Variants in PDE4A observed in about 807,000 individuals in gnomAD.
PDE4A encodes 3',5'-cyclic-AMP phosphodiesterase 4A.
In PDE4A, 21 loss-of-function variants were observed where a neutral mutation model predicts 73.9. The ratio of observed to expected loss-of-function variants is 0.28; its 90% CI spans 0.20 to 0.41. The LOEUF (loss-of-function observed/expected upper bound fraction) is 0.41, where lower values mean the gene tolerates loss of function less well. Ranked by LOEUF, PDE4A falls within the 10% of genes least tolerant of loss-of-function variation. The probability of loss-of-function intolerance (pLI) is 1.00; values close to 1 mark genes in which losing one functional copy is unlikely to be tolerated. For synonymous variants in PDE4A, 463 were observed against 505.4 expected, an observed-to-expected ratio of 0.92 and a Z score of 1.13; for missense variants, 958 against 1,211.4, an observed-to-expected ratio of 0.79 and a Z score of 3.10.
In PDE4A at chr19:10,441,451, C is replaced by G. The variant is rs530461846; in HGVS notation, c.321-4767C>G. Among the ~76,000 whole-genome samples, 4 of 151,378 alleles carry G rather than the reference C, an allele frequency of 2.6e-5. No individual in the cohort carries two copies. In the South Asian group the frequency reaches 6.3e-4, roughly 24 times the overall value. On this transcript the variant is annotated intron_variant, in intron 1 of 14. Coordinates refer to ENST00000380702, the MANE Select transcript of PDE4A (RefSeq NM_001111307.2). ...CCTTTTTTTTTTTAAGAGATGGGGT[C>G]TCACTATATTGCCCAGGCTGGCCAC...
At chr19:10,428,937 A>G (rs747086579) in intron 1 of PDE4A, 87 of 958,640 alleles carry the variant, frequency 9.1e-5, no homozygotes, top group Non-Finnish European at 1.0e-4. Context: ...CCCCATTTCT[A>G]CTAAAAATAC....
rs1048487280 is a variant in PDE4A at position 10,457,444 on chromosome 19, G to C, written c.878-435G>C. ...TGCCAAGGTGGGCGGGGGGGGGGGG[G>C]GGCAGGGACATGGAGCCAGAGACCA... On this transcript the variant is annotated intron_variant, in intron 7 of 14. Coordinates refer to ENST00000380702, the MANE Select transcript of PDE4A (RefSeq NM_001111307.2). 2.5e-5 allele frequency among the ~76,000 whole-genome samples: 3 copies of C among 121,084 alleles called. 1 individual carries two copies. The highest frequency in any genetic ancestry group is 9.0e-5 in the African/African-American group (3 of 33,512). The allele number at this position is 121,084 out of a possible 152,430, so 79.4% of individuals were successfully genotyped here. A position where few individuals can be genotyped will look rare whatever the true frequency, so the allele number is the denominator to read the frequency against.
At chr19:10,466,820 C>T in intron 14 of PDE4A, 67 bp from the exon 15 acceptor site, 3 of 1,544,824 alleles carry the variant, frequency 1.9e-6, no homozygotes, top group Non-Finnish European at 2.6e-6. Context: ...ATTTCATTAG[C>T]TCCCATAATG....
In PDE4A at chr19:10,459,505, G is replaced by C. The variant is rs906693852; in HGVS notation, c.1200+7G>C. 10 of 1,612,892 alleles carry C rather than the reference G, an allele frequency of 6.2e-6. No homozygotes were observed. The highest frequency in any genetic ancestry group is 8.5e-6 in the Non-Finnish European group (10 of 1,178,964). On this transcript the variant is annotated splice_region_variant and intron_variant, in intron 9 of 14. Transcript: ENST00000380702. ...CATGTACATGATATTCCAGGTGATG[G>C]GGACAGCTGGGAGTGGGCCCGGGTG...
chr19:10,457,997 G>T lies in PDE4A; in HGVS notation c.996G>T (p.Met332Ile). The change falls in exon 8 of 15, where the codon ATG (methionine) becomes ATT (isoleucine). Residue 332 changes from methionine (M) to isoleucine (I), a missense_variant. Coordinates refer to ENST00000380702, the MANE Select transcript of PDE4A (RefSeq NM_001111307.2). The stretch of plus-strand genomic sequence containing the variant: ...CCCCTGTACCACACTTACAGCCCAT[G>T]TCCCAAATCACAGGGTTGAAAAAGT... Reference protein sequence around the residue: ...PPPPVPHLQPMSQITGLKKLM... With the variant: ...PPPPVPHLQPISQITGLKKLM... 6.2e-7 allele frequency: 1 copy of T among 1,613,894 alleles called. No individual in the cohort carries two copies.
At chr19:10,466,790 G>A (rs1020789259) in intron 14 of PDE4A, 97 bp from the exon 15 acceptor site, 45 of 1,514,796 alleles carry the variant, frequency 3.0e-5, no homozygotes, top group African/African-American at 1.1e-4. Flanking sequence ...CACCATGCCC[G>A]GCCCATAAGC....
At chr19:10,451,091 T>C (rs528300456) in intron 6 of PDE4A, 150 bp downstream of exon 6, 2 of 802,798 alleles carry the variant, frequency 2.5e-6, no homozygotes, top group East Asian at 5.4e-5. Flanking sequence ...CTACTGGGTG[T>C]GGCTGATTAG....
At chr19:10,419,232 G>GGC (rs1555727067), upstream of PDE4A, 1 of 204,092 alleles carries the variant, frequency 4.9e-6, no homozygotes, top group Non-Finnish European at 8.4e-6. Flanking sequence ...GGCGTGGGGG[G>GGC]GGGGGGCGGT....
Position 10,469,308 on chromosome 19 carries a change from C to G in PDE4A, c.*1687C>G, listed in dbSNP as rs558783237. ...CGGGAAGGTAGGGAAGGAGGTCTCCCGTTGGGAGAGTCTCTGTTCCTGCTG... is the reference window on the plus strand; with the variant it reads ...CGGGAAGGTAGGGAAGGAGGTCTCCGGTTGGGAGAGTCTCTGTTCCTGCTG... On this transcript the variant is annotated 3_prime_UTR_variant, in exon 15 of 15. Coordinates refer to ENST00000380702, the MANE Select transcript of PDE4A (RefSeq NM_001111307.2). 2 of 152,244 alleles carry G rather than the reference C, an allele frequency of 1.3e-5. No individual in the cohort carries two copies. Among genetic ancestry groups the G allele is most frequent in the Non-Finnish European group, 1.5e-5 (1 of 68,024 alleles). 9.4% of individuals were successfully genotyped at this position (152,244 alleles called of 1,614,324 possible). A position where few individuals can be genotyped will look rare whatever the true frequency, so the allele number is the denominator to read the frequency against.
chr19:10,450,503 T>C (rs369911321), intron 4 of PDE4A, 100 bp from the exon 5 acceptor site: 28 of 1,483,138 alleles, frequency 1.9e-5, no homozygotes, highest in East Asian at 1.2e-4. Flanking sequence ...CGGTGAGTTT[T>C]CAGACAAATG....
chr19:10,461,701 AC>A, intron 12 of PDE4A, 21 bp downstream of exon 12: 1 of 1,611,528 alleles, frequency 6.2e-7, no homozygotes, highest in Non-Finnish European at 8.5e-7. Flanking sequence ...CTGGGGCGGG[AC>A]GGAGCGGGAA....
chr19:10,427,759 G>A (rs1054642005), intron 1 of PDE4A: 26 of 968,608 alleles, frequency 2.7e-5, no homozygotes, highest in Middle Eastern at 5.2e-4. Flanking sequence ...AGTAAAAACC[G>A]TATTCCCAAG....
chr19:10,430,291 T>C, intron 1 of PDE4A, among the ~76,000 whole-genome samples: 1 of 150,876 alleles, frequency 6.6e-6, no homozygotes, highest in Admixed American at 6.6e-5. Context: ...GCTTGTGGCA[T>C]GTCCCAGAAA....
chr19:10,417,166 T>C, upstream of PDE4A: 1 of 982,518 alleles, frequency 1.0e-6, no homozygotes, highest in Non-Finnish European at 1.2e-6. Context: ...CCTGCTGCCC[T>C]AAGAGGCTCT....
At chr19:10,417,604 G>C, upstream of PDE4A, 1 of 1,520,376 alleles carries the variant, frequency 6.6e-7, no homozygotes, top group Admixed American at 2.0e-5. Context: ...CTTGGGGAGA[G>C]GGGCTCAGAG....
intron 1 of PDE4A, among the ~76,000 whole-genome samples, chr19:10,426,379 G>A (rs1246037461): frequency 1.3e-5 from 2 of 152,064 alleles, no homozygotes; most frequent in South Asian, 2.1e-4. Context: ...ACACAAATTC[G>A]TAAACTTTCT....
chr19:10,466,623 T>C (rs1263777844), intron 14 of PDE4A, among the ~76,000 whole-genome samples: 1 of 151,806 alleles, frequency 6.6e-6, no homozygotes, highest in Admixed American at 6.6e-5. Flanking sequence ...GCCTCCCAAG[T>C]AGCTGAACTA....
rs775092748 is a variant in PDE4A, at chr19:10,420,887, C to A, written c.123C>A (p.Ile41=). The change falls in exon 1 of 15, where the codon ATC becomes ATA. Residue 41 remains isoleucine, a synonymous_variant. Coordinates refer to ENST00000380702, the MANE Select transcript of PDE4A (RefSeq NM_001111307.2). This position sits in a 1 kb window ranked among gnomAD's most constrained non-coding sequence, Gnocchi z 6.0. ...TGTGGCGGCAGCCTCGGACCCCCAT[C>A]CGTATCCAGCAGCGCGGCTACTCCG... The part of the protein sequence containing the change: ...QHLWRQPRTP[I]RIQQRGYSDS... The A allele has an allele frequency of 6.3e-7, 1 of 1,589,686 alleles. No individual in the cohort carries two copies. The highest frequency in any genetic ancestry group is 8.5e-7 in the Non-Finnish European group (1 of 1,176,116).
chr19:10,468,879 CTGTT>C lies in PDE4A; in HGVS notation c.*1261_*1264del, dbSNP rs1371844850. 1 of 152,948 alleles carries C rather than the reference CTGTT, an allele frequency of 6.5e-6. No homozygotes were observed. The highest frequency in any genetic ancestry group is 1.5e-5 in the Non-Finnish European group (1 of 68,224). 9.5% of individuals were successfully genotyped at this position (152,948 alleles called of 1,614,324 possible). On this transcript the variant is annotated 3_prime_UTR_variant, in exon 15 of 15. Transcript: ENST00000380702. ...CCATTTTTCTCCAAGCCATGGGGGA[CTGTT>C]TGGAAGGAAAGCCCCCTCTCTCCCT...
Sources: allele counts gnomAD v4.1 joint callset (sites outside exome capture counted in the v4.1 genomes callset), GRCh38; gene constraint gnomAD v4.1.1; non-coding constraint Gnocchi (gnomAD v3.1); transcripts MANE v1.5; gene names NCBI Gene and HGNC (gene_info 2026-07-23, HGNC 2026-07-21).